FOXN3: variants seen among roughly 807,000 people sequenced by gnomAD.
FOXN3 encodes forkhead box protein N3.
FOXN3 carries 7 observed loss-of-function variants against 38.4 expected under a neutral mutation model. That is an observed-to-expected ratio of 0.18 (90% confidence interval 0.10 to 0.34). The LOEUF (loss-of-function observed/expected upper bound fraction) is 0.34. Ranked by LOEUF, FOXN3 falls within the 10% of genes least tolerant of loss-of-function variation. The pLI is 1.00. For synonymous variants in FOXN3, 230 were observed against 242.2 expected (o/e 0.95, Z 0.47); for missense variants, 456 against 613.4 (o/e 0.74, Z 2.71).
chr14:89,192,397 T>A (rs1316998478), intron 4 of FOXN3, among the ~76,000 whole-genome samples: 2 of 144,576 alleles, frequency 1.4e-5, no homozygotes, highest in Non-Finnish European at 3.0e-5. Context: ...ATATACAAAC[T>A]ACAAAATATC....
intron 1 of FOXN3, among the ~76,000 whole-genome samples, chr14:89,477,159 T>C (rs767318072): frequency 1.6e-4 from 24 of 152,192 alleles, no homozygotes; most frequent in Non-Finnish European, 3.1e-4. Flanking sequence ...TGTGCATATC[T>C]GTGTACTGTC....
rs180793156 is a variant in FOXN3, at chr14:89,205,025, G to T, written c.746-24219C>A. Among the ~76,000 whole-genome samples the T allele has an allele frequency of 2.1e-5, 3 of 142,862 alleles. No homozygotes were observed. In the East Asian group the frequency reaches 5.8e-4, roughly 28 times the overall value. The allele number at this position is 142,862 out of a possible 152,430, so 93.7% of individuals were successfully genotyped here. A position where few individuals can be genotyped will look rare whatever the true frequency, so the allele number is the denominator to read the frequency against. On this transcript the variant is annotated intron_variant, in intron 4 of 5. Transcript: ENST00000557258. ...TTTTCTGGTGAGCGAATGGGAAATG[G>T]GTTCTAAAGAAAATCTCCACAGAAT...
At chr14:89,233,217 T>C (rs907106300) in intron 4 of FOXN3, among the ~76,000 whole-genome samples, 1 of 152,224 alleles carries the variant, frequency 6.6e-6, no homozygotes, top group African/African-American at 2.4e-5. Flanking sequence ...CTACCCGGCA[T>C]CCCACTCTTG....
At chr14:89,519,880 A>G (rs1355627619) in intron 1 of FOXN3, among the ~76,000 whole-genome samples, 1 of 152,254 alleles carries the variant, frequency 6.6e-6, no homozygotes, top group Non-Finnish European at 1.5e-5. Context: ...AAACAATCAA[A>G]TAAGCAAACA....
At chr14:89,442,224 G>A (rs1374847410) in intron 1 of FOXN3, among the ~76,000 whole-genome samples, 1 of 151,856 alleles carries the variant, frequency 6.6e-6, no homozygotes, top group East Asian at 1.9e-4. Flanking sequence ...CCGCGCCCGG[G>A]TGAAACTGGC....
chr14:89,404,349 C>A (rs1241323501), intron 2 of FOXN3, among the ~76,000 whole-genome samples: 1 of 151,676 alleles, frequency 6.6e-6, no homozygotes, highest in East Asian at 1.9e-4. Context: ...ACTAAAAATA[C>A]AAAAATTAGC....
intron 2 of FOXN3, among the ~76,000 whole-genome samples, chr14:89,372,445 C>T (rs1045242170): frequency 3.9e-5 from 6 of 152,180 alleles, no homozygotes; most frequent in African/African-American, 1.4e-4. Flanking sequence ...AATAGGACAA[C>T]AGTGTCAGTG....
intron 4 of FOXN3, among the ~76,000 whole-genome samples, chr14:89,274,548 C>T (rs1020975372): frequency 3.3e-5 from 5 of 152,152 alleles, no homozygotes; most frequent in African/African-American, 1.2e-4. Flanking sequence ...GTGAGAAACA[C>T]ATCTCGCAGG....
At chr14:89,605,062 G>C (rs1280520823) in intron 1 of FOXN3, among the ~76,000 whole-genome samples, 2 of 151,700 alleles carry the variant, frequency 1.3e-5, no homozygotes, top group Non-Finnish European at 2.9e-5. Flanking sequence ...TGATGAAGGG[G>C]GTGGGTTGGG....
At chr14:89,194,277 G>A (rs1888039983) in intron 4 of FOXN3, among the ~76,000 whole-genome samples, 1 of 152,088 alleles carries the variant, frequency 6.6e-6, no homozygotes, top group African/African-American at 2.4e-5. Flanking sequence ...TTTCCCAAGT[G>A]TCATCTTTTA....
At chr14:89,301,046 G>A (rs1298994094) in intron 3 of FOXN3, among the ~76,000 whole-genome samples, 1 of 151,880 alleles carries the variant, frequency 6.6e-6, no homozygotes, top group Non-Finnish European at 1.5e-5. Context: ...CAAGTGATCT[G>A]CCTGGCTTGG....
At chr14:89,537,024 AG>A (rs1299755476) in intron 1 of FOXN3, among the ~76,000 whole-genome samples, 2 of 152,284 alleles carry the variant, frequency 1.3e-5, no homozygotes, top group South Asian at 4.1e-4. Context: ...GCGTCTCCAG[AG>A]CACCAGAAGG....
chr14:89,330,213 G>T (rs1165518018), intron 3 of FOXN3, among the ~76,000 whole-genome samples: 1 of 152,194 alleles, frequency 6.6e-6, no homozygotes, highest in Non-Finnish European at 1.5e-5. Flanking sequence ...ACAGTGGAGG[G>T]GCTAGAAGCA....
At position 89,159,025 on chromosome 14, in the gene FOXN3, G is replaced by C. The variant is rs1887040253; in HGVS notation, c.*3389C>G. ...ACATATGCTAGTTTGGAAGCTAAAA[G>C]AACACCTGACGTTTGGGAAGGAATT... On this transcript the variant is annotated 3_prime_UTR_variant, in exon 6 of 6. Transcript: ENST00000557258. 6.6e-6 allele frequency: 1 copy of C among 152,654 alleles called. No individual in the cohort carries two copies. Among genetic ancestry groups the C allele is most frequent in the African/African-American group, 2.4e-5 (1 of 41,452 alleles). 9.5% of individuals were successfully genotyped at this position (152,654 alleles called of 1,614,324 possible). A position where few individuals can be genotyped will look rare whatever the true frequency, so the allele number is the denominator to read the frequency against.
At chr14:89,267,991 T>C (rs1449730793) in intron 4 of FOXN3, among the ~76,000 whole-genome samples, 3 of 152,194 alleles carry the variant, frequency 2.0e-5, no homozygotes, top group South Asian at 2.1e-4. Context: ...CTTTGAATCC[T>C]GACTCTGAAA....
chr14:89,438,142 A>G (rs1892308447), intron 1 of FOXN3, among the ~76,000 whole-genome samples: 1 of 152,250 alleles, frequency 6.6e-6, no homozygotes, highest in African/African-American at 2.4e-5. Flanking sequence ...TCATACAAAT[A>G]TAATTTAGTT....
chr14:89,335,087 A>T (rs925015215), intron 3 of FOXN3, among the ~76,000 whole-genome samples: 9 of 28,552 alleles, frequency 3.2e-4, no homozygotes, highest in African/African-American at 7.7e-4. Context: ...TCACACACAC[A>T]CACACACACA....
intron 4 of FOXN3, among the ~76,000 whole-genome samples, chr14:89,251,105 A>G (rs535489010): frequency 4.4e-4 from 67 of 152,286 alleles, no homozygotes; most frequent in Non-Finnish European, 7.2e-4. Context: ...TAGTATTTGA[A>G]AGTGCTGGAT....
chr14:89,523,890 G>A (rs986474804), intron 1 of FOXN3, among the ~76,000 whole-genome samples: 3 of 151,882 alleles, frequency 2.0e-5, no homozygotes, highest in Non-Finnish European at 4.4e-5. Context: ...AGCCTCCTGA[G>A]TAGGTGGGAT....
Sources: gnomAD v4.1 joint callset for allele counts (sites outside exome capture counted in the v4.1 genomes callset) on GRCh38, gnomAD v4.1.1 for gene constraint, MANE v1.5 for transcripts, NCBI Gene and HGNC (gene_info 2026-07-23, HGNC 2026-07-21) for gene names.